The following TRAF5 variants were observed in gnomAD, a reference collection of about 807,000 sequenced individuals.
The protein encoded by TRAF5 is TNF receptor associated factor 5.
TRAF5 carries 48 observed loss-of-function variants against 64.5 expected under a neutral mutation model. The observed-to-expected ratio is 0.74, with a 90% confidence interval of 0.59 to 0.95. TRAF5 has a LOEUF of 0.95. Ranked by LOEUF, TRAF5 falls within the 40% of genes least tolerant of loss-of-function variation. TRAF5 has a pLI of 0.00. For missense variants in TRAF5, 545 were observed against 662.8 expected (o/e 0.82, Z 1.95); for synonymous variants, 206 against 240.5 (o/e 0.86, Z 1.33).
At chr1:211,370,505 A>T (rs758834453) in intron 9 of TRAF5, among the ~76,000 whole-genome samples, 1 of 152,134 alleles carries the variant, frequency 6.6e-6, no homozygotes. Flanking sequence ...ATGCTCCTTG[A>T]CTTACAATGG....
At chr1:211,353,716 A>C in intron 2 of TRAF5, 1 of 477,818 alleles carries the variant, frequency 2.1e-6, no homozygotes, top group Admixed American at 3.3e-5. Context: ...CTAGACACAC[A>C]CTCCATCATG....
At chr1:211,344,135 T>G (rs1702522516) in intron 1 of TRAF5, among the ~76,000 whole-genome samples, 1 of 152,136 alleles carries the variant, frequency 6.6e-6, no homozygotes, top group South Asian at 2.1e-4. Flanking sequence ...GGGACTGACT[T>G]GAGGCAGCAG....
At chr1:211,345,375 T>G (rs910064051) in intron 1 of TRAF5, among the ~76,000 whole-genome samples, 5 of 151,456 alleles carry the variant, frequency 3.3e-5, no homozygotes, top group African/African-American at 4.8e-5. Flanking sequence ...CCCCCCTCCT[T>G]TTTTTTTGCT....
intron 1 of TRAF5, among the ~76,000 whole-genome samples, chr1:211,335,321 G>A (rs1029129633): frequency 1.3e-5 from 2 of 152,142 alleles, no homozygotes; most frequent in African/African-American, 2.4e-5. Context: ...GTCTGCAAAC[G>A]TGGGCTGCTG....
intron 4 of TRAF5, chr1:211,357,755 A>G (rs1301373101): frequency 6.6e-6 from 1 of 152,208 alleles, no homozygotes; most frequent in Non-Finnish European, 1.5e-5. Context: ...GGTGAAGGAG[A>G]ATAGCTGCAT....
chr1:211,365,254 G>A (rs1572089953), intron 7 of TRAF5, 122 bp from the exon 8 acceptor site: 1 of 705,578 alleles, frequency 1.4e-6, no homozygotes, highest in Non-Finnish European at 2.3e-6. Context: ...AGAGACTGGT[G>A]CGTGTTTAAA....
rs560626377 is a variant in TRAF5 at position 211,340,938 on chromosome 1, C to T, written c.-1-12301C>T. Among the ~76,000 whole-genome samples, 7 of 152,330 alleles carry T rather than the reference C, an allele frequency of 4.6e-5. No homozygotes were observed. In the South Asian group the frequency reaches 1.4e-3, roughly 32 times the overall value. On this transcript the variant is annotated intron_variant, in intron 1 of 10. Coordinates refer to ENST00000261464, the MANE Select transcript of TRAF5 (RefSeq NM_001033910.3). ...GTCCTTTGACTCTGCTGGACTTTGT[C>T]ACCCCCACGACCTGGTGCTGGGTCT...
At chr1:211,341,464 G>A (rs1218825443) in intron 1 of TRAF5, among the ~76,000 whole-genome samples, 1 of 152,188 alleles carries the variant, frequency 6.6e-6, no homozygotes, top group Non-Finnish European at 1.5e-5. Context: ...GCTTTCCCAG[G>A]CTGTATATGG....
intron 1 of TRAF5, among the ~76,000 whole-genome samples, chr1:211,351,547 A>C (rs1036627532): frequency 6.6e-6 from 1 of 152,020 alleles, no homozygotes; most frequent in Non-Finnish European, 1.5e-5. Flanking sequence ...GCCAAACTCA[A>C]GATCATCTAG....
Position 211,373,238 on chromosome 1 carries a change from C to T in TRAF5, c.*536C>T, listed in dbSNP as rs1209153070. On this transcript the variant is annotated 3_prime_UTR_variant, in exon 11 of 11. Transcript: ENST00000261464. ...TTAAATGCTAAATATATGAAAATTACTATACCTCTAAGTATTTTCATGAAA... is the reference window on the plus strand; with the variant it reads ...TTAAATGCTAAATATATGAAAATTATTATACCTCTAAGTATTTTCATGAAA... 6.6e-6 allele frequency: 1 copy of T among 152,316 alleles called. No individual in the cohort carries two copies. Among genetic ancestry groups the T allele is most frequent in the Non-Finnish European group, 1.5e-5 (1 of 68,184 alleles). The allele number at this position is 152,316 out of a possible 1,614,324, so 9.4% of individuals were successfully genotyped here. A position where few individuals can be genotyped will look rare whatever the true frequency, so the allele number is the denominator to read the frequency against.
In TRAF5 at chr1:211,354,472, GA is replaced by G; in HGVS notation, c.276+8del. 2 of 1,613,996 alleles carry G rather than the reference GA, an allele frequency of 1.2e-6. No individual in the cohort carries two copies. The highest frequency in any genetic ancestry group is 3.3e-4 in the Middle Eastern group (2 of 6,062). ...GAGGTCATCAAATCTCAGGAGGTAA[GA>G]AAGTCACTGCTTTTGTCTAGCAGCT... On this transcript the variant is annotated splice_donor_region_variant and intron_variant, in intron 3 of 10. Coordinates refer to ENST00000261464, the MANE Select transcript of TRAF5 (RefSeq NM_001033910.3).
intron 1 of TRAF5, among the ~76,000 whole-genome samples, chr1:211,341,698 G>A (rs1260339708): frequency 1.3e-5 from 2 of 152,222 alleles, no homozygotes; most frequent in Admixed American, 6.5e-5. Flanking sequence ...GGGCATTGCC[G>A]GGCTGAGGAT....
At chr1:211,334,881 GT>G (rs1702249481) in intron 1 of TRAF5, among the ~76,000 whole-genome samples, 1 of 152,120 alleles carries the variant, frequency 6.6e-6, no homozygotes, top group African/African-American at 2.4e-5. Context: ...CATCTGTCCT[GT>G]CCTCCCAGTG....
intron 1 of TRAF5, among the ~76,000 whole-genome samples, chr1:211,327,335 C>T (rs1702046832): frequency 6.6e-6 from 1 of 152,210 alleles, no homozygotes; most frequent in Non-Finnish European, 1.5e-5. Context: ...CACCCGAAGG[C>T]ACCCTCTCCA....
At chr1:211,341,734 G>C (rs544443914) in intron 1 of TRAF5, among the ~76,000 whole-genome samples, 2 of 152,210 alleles carry the variant, frequency 1.3e-5, no homozygotes, top group African/African-American at 4.8e-5. Context: ...GCTCCAGGGG[G>C]TGGGGAATTT....
At chr1:211,331,043 C>T (rs972880781) in intron 1 of TRAF5, among the ~76,000 whole-genome samples, 3 of 152,142 alleles carry the variant, frequency 2.0e-5, no homozygotes, top group African/African-American at 7.2e-5. Flanking sequence ...TGTCCGAGGC[C>T]GCCTCTTTCT....
At chr1:211,360,872 G>A (rs1461976682) in intron 6 of TRAF5, 93 bp downstream of exon 6, 2 of 1,226,388 alleles carry the variant, frequency 1.6e-6, no homozygotes, top group Middle Eastern at 2.1e-4. Context: ...AAAGATAAGG[G>A]CCCAGGGCTT....
intron 1 of TRAF5, among the ~76,000 whole-genome samples, chr1:211,333,487 C>T (rs1702213830): frequency 6.6e-6 from 1 of 151,756 alleles, no homozygotes; most frequent in Non-Finnish European, 1.5e-5. Context: ...CAGGCGTGAG[C>T]CACGGTGCCC....
At chr1:211,368,505 G>T (rs1179162815) in intron 8 of TRAF5, among the ~76,000 whole-genome samples, 1 of 152,208 alleles carries the variant, frequency 6.6e-6, no homozygotes, top group African/African-American at 2.4e-5. Context: ...TCTGGTGTGT[G>T]CTGGGGGTAG....
Sources: allele counts gnomAD v4.1 joint callset (sites outside exome capture counted in the v4.1 genomes callset), GRCh38; gene constraint gnomAD v4.1.1; transcripts MANE v1.5; gene names NCBI Gene and HGNC (gene_info 2026-07-23, HGNC 2026-07-21).